Variants in TRIM22 observed in about 807,000 individuals in gnomAD.
TRIM22 encodes the protein E3 ubiquitin-protein ligase TRIM22.
TRIM22 carries 45 observed loss-of-function variants against 53.6 expected under a neutral mutation model. The observed-to-expected ratio is 0.84, with a 90% confidence interval of 0.66 to 1.08. The LOEUF is 1.08. Ranked by LOEUF, TRIM22 falls within the 50% of genes least tolerant of loss-of-function variation. TRIM22 has a pLI of 0.00. For missense variants in TRIM22, 616 were observed against 590.9 expected (o/e 1.04, Z -0.44); for synonymous variants, 225 against 216.6 (o/e 1.04, Z -0.34).
intron 4 of TRIM22, among the ~76,000 whole-genome samples, chr11:5,702,756 T>G (rs1390407669): frequency 6.6e-6 from 1 of 152,186 alleles, no homozygotes; most frequent in Non-Finnish European, 1.5e-5. Flanking sequence ...CCTTTACTTC[T>G]TTTTCAGTGC....
chr11:5,708,996 T>A (rs1381357899), intron 7 of TRIM22, 57 bp from the exon 8 acceptor site: 4 of 1,315,254 alleles, frequency 3.0e-6, no homozygotes, highest in Non-Finnish European at 4.3e-6. Context: ...CTCTTCTCAA[T>A]GCTGTAAGAC....
At chr11:5,697,189 C>A (rs1192598674) in intron 2 of TRIM22, 59 bp from the exon 3 acceptor site, 1 of 1,324,644 alleles carries the variant, frequency 7.5e-7, no homozygotes, top group Admixed American at 2.4e-5. Flanking sequence ...CCTTGCTGTC[C>A]TCTATTCAGG....
rs565467908 is a variant in TRIM22 at position 5,696,919 on chromosome 11, C to G, written c.423+264C>G. On this transcript the variant is annotated intron_variant, in intron 2 of 7. Transcript: ENST00000379965. The stretch of plus-strand genomic sequence containing the variant: ...TGTAAGATAAGCTTTCATTGCCCCT[C>G]CAAGAAGAACAGTATTTTTGGGAAC... The G allele has an allele frequency of 3.1e-4, 164 of 523,182 alleles. 2 individuals carry two copies. The East Asian group carries it at 5.0e-3, about 16-fold the overall frequency. 32.4% of individuals were successfully genotyped at this position (523,182 alleles called of 1,614,324 possible).
Position 5,696,467 on chromosome 11 carries a change from G to T in TRIM22, c.235G>T (p.Glu79Ter). The change falls in exon 2 of 8, where the codon GAG (glutamate) becomes TAG (stop). Residue 79 changes from glutamate (E) to a stop codon, truncating the protein, a stop_gained. Coordinates refer to ENST00000379965, the MANE Select transcript of TRIM22 (RefSeq NM_006074.5). LOFTEE classifies it high-confidence loss of function. ...RPNRHLANIV[E>*]RVKEVKMSPQ... ...TAATCGGCATCTGGCCAACATAGTT[G>T]AGAGAGTCAAAGAGGTCAAGATGAG... 6.2e-7 allele frequency: 1 copy of T among 1,614,258 alleles called. No individual in the cohort carries two copies. The highest frequency in any genetic ancestry group is 8.5e-7 in the Non-Finnish European group (1 of 1,180,052).
chr11:5,698,730 G>C (rs7950181), intron 4 of TRIM22, among the ~76,000 whole-genome samples, 185 bp downstream of exon 4: 52,307 of 151,996 alleles, frequency 0.34, 9,377 homozygotes, highest in Non-Finnish European at 0.4. Flanking sequence ...GTATGAATGG[G>C]AAGGGAAATT....
intron 4 of TRIM22, among the ~76,000 whole-genome samples, chr11:5,704,209 A>G (rs141530877): frequency 1.3e-5 from 2 of 152,088 alleles, no homozygotes; most frequent in Non-Finnish European, 2.9e-5. Flanking sequence ...TTCATGCTAG[A>G]TGTCTTATTT....
At chr11:5,701,838 T>C (rs935623432) in intron 4 of TRIM22, among the ~76,000 whole-genome samples, 3 of 152,100 alleles carry the variant, frequency 2.0e-5, no homozygotes, top group Non-Finnish European at 4.4e-5. Flanking sequence ...TAAATCTCGG[T>C]TGTTTAAAAA....
Position 5,696,283 on chromosome 11 carries a change from C to T in TRIM22, c.51C>T (p.Ile17=). ...TAGAGAAGGAGGTGACCTGCCCCAT[C>T]TGCCTGGAGCTCCTGACAGAACCTC... ...VDIEKEVTCP[I]CLELLTEPLS... Residue 17 remains isoleucine (I), a synonymous_variant, in exon 2 of 8, where the codon ATC becomes ATT. Transcript: ENST00000379965. 2.5e-6 allele frequency: 4 copies of T among 1,614,050 alleles called. No homozygotes were observed. The highest frequency in any genetic ancestry group is 3.4e-6 in the Non-Finnish European group (4 of 1,179,954).
rs530999544 is a variant in TRIM22, at chr11:5,710,249, C to G, written c.*601C>G. 6.6e-6 allele frequency: 1 copy of G among 152,072 alleles called. No homozygotes were observed. Among genetic ancestry groups the G allele is most frequent in the Non-Finnish European group, 1.5e-5 (1 of 68,064 alleles). 9.4% of individuals were successfully genotyped at this position (152,072 alleles called of 1,614,324 possible). A position where few individuals can be genotyped will look rare whatever the true frequency, so the allele number is the denominator to read the frequency against. On this transcript the variant is annotated 3_prime_UTR_variant, in exon 8 of 8. Transcript: ENST00000379965. ...TTATTTTCCTAATACCTTGGTTTCACTAGTAGTAAACATTATTATTTTTTT... is the reference window on the plus strand; with the variant it reads ...TTATTTTCCTAATACCTTGGTTTCAGTAGTAGTAAACATTATTATTTTTTT...
intron 5 of TRIM22, among the ~76,000 whole-genome samples, chr11:5,707,907 A>G (rs891514027): frequency 6.6e-6 from 1 of 152,300 alleles, no homozygotes; most frequent in Non-Finnish European, 1.5e-5. Flanking sequence ...TAATTATTGC[A>G]TTTTAAAAGT....
At chr11:5,699,374 A>C (rs866327744) in intron 4 of TRIM22, among the ~76,000 whole-genome samples, 4 of 141,356 alleles carry the variant, frequency 2.8e-5, no homozygotes, top group African/African-American at 1.1e-4. Context: ...AATACAAAAA[A>C]TTAGCCGGGC....
At chr11:5,701,107 C>T (rs532835094) in intron 4 of TRIM22, among the ~76,000 whole-genome samples, 4 of 152,198 alleles carry the variant, frequency 2.6e-5, no homozygotes, top group African/African-American at 4.8e-5. Flanking sequence ...GTTTTACTAA[C>T]GTACTGTTGA....
At chr11:5,692,762 C>A (rs1853191994) in intron 1 of TRIM22, among the ~76,000 whole-genome samples, 5 of 147,892 alleles carry the variant, frequency 3.4e-5, no homozygotes. Flanking sequence ...GAGTTTGAGA[C>A]CAGCCTGGGC....
At chr11:5,706,323 G>A (rs1484775176) in intron 4 of TRIM22, among the ~76,000 whole-genome samples, 3 of 152,180 alleles carry the variant, frequency 2.0e-5, no homozygotes, top group Non-Finnish European at 4.4e-5. Context: ...GATAGTAAGA[G>A]TGTGGGGAGG....
rs1414476559 is a variant in TRIM22, at chr11:5,697,742, C to T, written c.519+399C>T. On this transcript the variant is annotated intron_variant, in intron 3 of 7. Coordinates refer to ENST00000379965, the MANE Select transcript of TRIM22 (RefSeq NM_006074.5). ...TTTTTGAGACAGAGTCTCTCTCTGT[C>T]ATACAGGCTGGAGTGTAGTGGCGCG... 11 of 182,762 alleles carry T rather than the reference C, an allele frequency of 6.0e-5. No individual in the cohort carries two copies. The East Asian group carries it at 1.5e-3, about 25-fold the overall frequency. 11.3% of individuals were successfully genotyped at this position (182,762 alleles called of 1,614,324 possible). A position where few individuals can be genotyped will look rare whatever the true frequency, so the allele number is the denominator to read the frequency against.
At chr11:5,703,573 G>C (rs66481907) in intron 4 of TRIM22, among the ~76,000 whole-genome samples, 1 of 151,768 alleles carries the variant, frequency 6.6e-6, no homozygotes, top group Non-Finnish European at 1.5e-5. Context: ...TTTTAGTAGA[G>C]ACGGGGTTTC....
chr11:5,700,879 T>C (rs1364335766), intron 4 of TRIM22, among the ~76,000 whole-genome samples: 5 of 151,946 alleles, frequency 3.3e-5, no homozygotes, highest in African/African-American at 1.2e-4. Flanking sequence ...GCCGAGAAAC[T>C]TCCTCTTTAT....
At chr11:5,705,639 GT>G (rs900260696) in intron 4 of TRIM22, among the ~76,000 whole-genome samples, 4 of 152,006 alleles carry the variant, frequency 2.6e-5, no homozygotes, top group Non-Finnish European at 5.9e-5. Flanking sequence ...GTACATACTT[GT>G]TCAAAAAAAT....
intron 4 of TRIM22, among the ~76,000 whole-genome samples, chr11:5,699,866 A>G (rs1853340736): frequency 6.6e-6 from 1 of 151,220 alleles, no homozygotes; most frequent in African/African-American, 2.4e-5. Context: ...CTTTTTAAAG[A>G]GTTTTTTCTG....
Sources: gnomAD v4.1 joint callset for allele counts (sites outside exome capture counted in the v4.1 genomes callset) on GRCh38, gnomAD v4.1.1 for gene constraint, MANE v1.5 for transcripts, NCBI Gene and HGNC (gene_info 2026-07-23, HGNC 2026-07-21) for gene names.